DHX57: variants seen among roughly 807,000 people sequenced by gnomAD.
DHX57 encodes putative ATP-dependent RNA helicase DHX57.
In DHX57, 105 loss-of-function variants were observed where a neutral mutation model predicts 156.2. The observed-to-expected ratio is 0.67, with a 90% CI of 0.57 to 0.79. DHX57 has a LOEUF of 0.79. DHX57 is among the 30% of genes least tolerant of loss of function. The pLI is 0.00. For synonymous variants in DHX57, 704 were observed against 595.6 expected, an observed-to-expected ratio of 1.18 and a Z score of -2.65; for missense variants, 1,847 against 1,661.9, an observed-to-expected ratio of 1.11 and a Z score of -1.94.
intron 6 of DHX57, chr2:38,856,727 C>G (rs1558398334): frequency 7.9e-6 from 2 of 253,362 alleles, no homozygotes; most frequent in African/African-American, 2.3e-5. Context: ...GCCTCAAACT[C>G]CTGTGCTCAA....
At chr2:38,799,750 C>A (rs868047550) in intron 23 of DHX57, among the ~76,000 whole-genome samples, 119 of 99,048 alleles carry the variant, frequency 1.2e-3, no homozygotes, top group African/African-American at 2.1e-3. Context: ...AACTCCATCT[C>A]AAAAAAAAAA....
chr2:38,871,341 T>C (rs1236434331), intron 1 of DHX57, among the ~76,000 whole-genome samples: 1 of 152,166 alleles, frequency 6.6e-6, no homozygotes, highest in Non-Finnish European at 1.5e-5. Context: ...GGGAGCGTAA[T>C]TGTGCTGTGC....
chr2:38,846,447 C>T (rs985199656), intron 11 of DHX57, among the ~76,000 whole-genome samples: 1 of 150,918 alleles, frequency 6.6e-6, no homozygotes. Context: ...ATAATGAGAC[C>T]CGTCTCTACA....
At chr2:38,822,043 G>A (rs1432474223) in intron 17 of DHX57, among the ~76,000 whole-genome samples, 1 of 152,000 alleles carries the variant, frequency 6.6e-6, no homozygotes, top group East Asian at 1.9e-4. Context: ...CCACCCCCCG[G>A]CCCAGGTGGC....
intron 13 of DHX57, among the ~76,000 whole-genome samples, chr2:38,829,431 G>A (rs971403488): frequency 2.0e-5 from 3 of 151,692 alleles, no homozygotes; most frequent in Admixed American, 1.3e-4. Flanking sequence ...ACAGGCACAC[G>A]CCAGCTAATT....
rs35349461 is a variant in DHX57, at chr2:38,861,644, T to C, written c.766A>G (p.Lys256Glu). 7,116 of 1,614,192 alleles carry C rather than the reference T, an allele frequency of 4.4e-3. 19 individuals carry two copies. Among genetic ancestry groups the C allele is most frequent in the African/African-American group, 6.9e-3 (518 of 75,056 alleles). ...EQRQEEAFALKSICGEKFIER... is the reference protein window; with the variant it reads ...EQRQEEAFALESICGEKFIER... The stretch of plus-strand genomic sequence containing the variant: ...ATAAATTTTTCTCCACAGATGGACT[T>C]GAGAGCAAATGCCTCTTCCTGTCGC... Residue 256 changes from lysine (K) to glutamate (E), a missense_variant, in exon 5 of 24, where the codon AAG becomes GAG. Lys to Glu is a moderately conservative substitution (Grantham distance 56, BLOSUM62 1). Transcript: ENST00000457308.
intron 12 of DHX57, among the ~76,000 whole-genome samples, chr2:38,839,422 G>A (rs941073248): frequency 6.6e-6 from 1 of 151,732 alleles, no homozygotes; most frequent in Non-Finnish European, 1.5e-5. Context: ...AGGGACAAAA[G>A]CAGTTTCGGC....
intron 20 of DHX57, among the ~76,000 whole-genome samples, chr2:38,815,071 CTTT>C (rs370170763): frequency 6.9e-6 from 1 of 144,408 alleles, no homozygotes; most frequent in African/African-American, 2.5e-5. Context: ...TTTTTTTATA[CTTT>C]TTTTTTTTTT....
At chr2:38,806,823 C>G (rs530112067) in intron 21 of DHX57, 130 bp from the exon 22 acceptor site, 1 of 866,914 alleles carries the variant, frequency 1.2e-6, no homozygotes, top group Non-Finnish European at 1.7e-6. Context: ...TGTTCCCTTT[C>G]TTTCTTATTT....
At chr2:38,827,865 A>AC in intron 14 of DHX57, among the ~76,000 whole-genome samples, 2 of 151,962 alleles carry the variant, frequency 1.3e-5, no homozygotes, top group South Asian at 4.2e-4. Context: ...AAGTGAAGAG[A>AC]ATTTTTTTGA....
intron 20 of DHX57, among the ~76,000 whole-genome samples, chr2:38,814,563 A>G (rs1271574558): frequency 2.0e-5 from 3 of 152,216 alleles, no homozygotes; most frequent in Non-Finnish European, 2.9e-5. Context: ...ATCTTACAGA[A>G]GTGCTCTTCC....
rs768217605 is a variant in DHX57 at position 38,837,820 on chromosome 2, G to T, written c.2542+11C>A. On this transcript the variant is annotated intron_variant, in intron 13 of 23. Coordinates refer to ENST00000457308, the MANE Select transcript of DHX57 (RefSeq NM_198963.3). ...CAATTGTCATTCAAGCCTTAATAAA[G>T]AAGCAGTTACCTGGAGGGTAGGAGT... The T allele has an allele frequency of 2.0e-6, 3 of 1,497,644 alleles. No homozygotes were observed. Among genetic ancestry groups the T allele is most frequent in the African/African-American group, 1.4e-5 (1 of 72,430 alleles). The allele number at this position is 1,497,644 out of a possible 1,614,324, so 92.8% of individuals were successfully genotyped here. A position where few individuals can be genotyped will look rare whatever the true frequency, so the allele number is the denominator to read the frequency against.
At chr2:38,838,586 A>C (rs961351580) in intron 12 of DHX57, among the ~76,000 whole-genome samples, 1 of 152,162 alleles carries the variant, frequency 6.6e-6, no homozygotes, top group African/African-American at 2.4e-5. Context: ...ACAAAATTCA[A>C]CGTCAAATAC....
chr2:38,822,693 C>A (rs879889753), intron 17 of DHX57, among the ~76,000 whole-genome samples: 3 of 152,194 alleles, frequency 2.0e-5, no homozygotes, highest in Non-Finnish European at 4.4e-5. Context: ...CCGCGCTTGG[C>A]CTGGATTACT....
intron 19 of DHX57, among the ~76,000 whole-genome samples, chr2:38,816,683 C>G (rs1670562496): frequency 6.6e-6 from 1 of 152,160 alleles, no homozygotes; most frequent in East Asian, 1.9e-4. Flanking sequence ...ACTACCCTGT[C>G]TCTCAATGAT....
chr2:38,807,694 C>G (rs1670024418), intron 21 of DHX57, among the ~76,000 whole-genome samples: 1 of 151,664 alleles, frequency 6.6e-6, no homozygotes, highest in Non-Finnish European at 1.5e-5. Flanking sequence ...GTTGCCCAGG[C>G]TGGAGTGCAA....
chr2:38,823,154 C>T lies in DHX57; in HGVS notation c.3130G>A (p.Gly1044Arg), dbSNP rs746432217. ...AATCTTTCATCTGGAGTTAATGCTC[C>T]TAAGTCTCGTAATCGTATTTTTGAG... Reference protein sequence around the residue: ...RASKIRLRDLGALTPDERLTP... With the variant: ...RASKIRLRDLRALTPDERLTP... The change falls in exon 17 of 24, where the codon GGA becomes AGA. Residue 1044 changes from glycine to arginine, a missense_variant. Transcript: ENST00000457308. The T allele has an allele frequency of 6.2e-7, 1 of 1,614,138 alleles. No homozygotes were observed. Among genetic ancestry groups the T allele is most frequent in the East Asian group, 2.2e-5 (1 of 44,884 alleles).
rs547127283 is a variant in DHX57, at chr2:38,823,646, A to C, written c.3015-377T>G. 5.5e-3 allele frequency among the ~76,000 whole-genome samples: 833 copies of C among 152,292 alleles called. 7 individuals are homozygous for C. Among genetic ancestry groups the C allele is most frequent in the African/African-American group, 0.019 (798 of 41,574 alleles). ...AAACAGGATAGAGATTCCTCAAAAAACTAAAAATAGAACTACCATATGATC... is the reference window on the plus strand; with the variant it reads ...AAACAGGATAGAGATTCCTCAAAAACCTAAAAATAGAACTACCATATGATC... On this transcript the variant is annotated intron_variant, in intron 16 of 23. Coordinates refer to ENST00000457308, the MANE Select transcript of DHX57 (RefSeq NM_198963.3).
chr2:38,832,495 T>A (rs1671433127), intron 13 of DHX57, among the ~76,000 whole-genome samples: 1 of 151,652 alleles, frequency 6.6e-6, no homozygotes, highest in Non-Finnish European at 1.5e-5. Flanking sequence ...GAGCAGCCAT[T>A]CTCATTTCTC....
Sources: gnomAD v4.1 joint callset for allele counts (sites outside exome capture counted in the v4.1 genomes callset) on GRCh38, gnomAD v4.1.1 for gene constraint, MANE v1.5 for transcripts, NCBI Gene and HGNC (gene_info 2026-07-23, HGNC 2026-07-21) for gene names.